NAE1: variants seen among roughly 807,000 people sequenced by gnomAD.
NAE1 encodes NEDD8-activating enzyme E1 regulatory subunit.
Under a neutral mutation model 88.0 loss-of-function variants are expected in NAE1, and 59 were observed. The ratio of observed to expected loss-of-function variants is 0.67; its 90% CI spans 0.54 to 0.83. The LOEUF (loss-of-function observed/expected upper bound fraction) is 0.83, where lower values mean the gene tolerates loss of function less well. NAE1 is among the 40% of genes least tolerant of loss of function. The probability of loss-of-function intolerance (pLI) is 0.00; values close to 1 mark genes in which losing one functional copy is unlikely to be tolerated. For synonymous variants in NAE1, 186 were observed against 208.9 expected, an observed-to-expected ratio of 0.89 and a Z score of 0.95; for missense variants, 554 against 632.8, an observed-to-expected ratio of 0.88 and a Z score of 1.34.
intron 13 of NAE1, among the ~76,000 whole-genome samples, chr16:66,811,748 A>T (rs1361910135): frequency 6.6e-6 from 1 of 152,176 alleles, no homozygotes; most frequent in Non-Finnish European, 1.5e-5. Context: ...TCTAAAAATC[A>T]TCAGTGTTCA....
chr16:66,823,192 G>T, intron 6 of NAE1, 35 bp downstream of exon 6: 1 of 1,308,752 alleles, frequency 7.6e-7, no homozygotes, highest in Non-Finnish European at 1.1e-6. Context: ...AATCTAATAA[G>T]ATTAAAATAA....
In NAE1 at chr16:66,823,325, A is replaced by G. The variant is rs3026084; in HGVS notation, c.322-19T>C. The stretch of plus-strand genomic sequence containing the variant: ...CTGGACTCTAAACAGGACAGCAAAG[A>G]AAAAAACAAACAAAAAAAACCAATT... On this transcript the variant is annotated intron_variant, in intron 5 of 19. Transcript: ENST00000290810. 15,146 of 1,558,378 alleles carry G rather than the reference A, an allele frequency of 9.7e-3. 144 individuals carry two copies. Among genetic ancestry groups the G allele is most frequent in the Non-Finnish European group, 0.01 (11,762 of 1,153,666 alleles).
intron 13 of NAE1, among the ~76,000 whole-genome samples, chr16:66,811,214 G>C (rs965192820): frequency 6.6e-6 from 1 of 152,150 alleles, no homozygotes; most frequent in Non-Finnish European, 1.5e-5. Flanking sequence ...CTGGAGTACA[G>C]TGGCGCAGTC....
At chr16:66,816,917 A>C (rs1960065264) in intron 10 of NAE1, 48 bp downstream of exon 10, 1 of 1,559,706 alleles carries the variant, frequency 6.4e-7, no homozygotes. Context: ...TGCCTCTAGC[A>C]ATTTGCTTTT....
chr16:66,806,543 G>A (rs1474623332), intron 17 of NAE1, among the ~76,000 whole-genome samples: 1 of 151,940 alleles, frequency 6.6e-6, no homozygotes, highest in Non-Finnish European at 1.5e-5. Context: ...TCATGCCTCA[G>A]CCTCCCAAGA....
At chr16:66,805,740 G>A in intron 19 of NAE1, 37 bp downstream of exon 19, 1 of 1,418,580 alleles carries the variant, frequency 7.0e-7, no homozygotes, top group Non-Finnish European at 9.3e-7. Flanking sequence ...ACTGTACTAT[G>A]TAACAACAGG....
At chr16:66,813,869 T>A (rs764075855) in intron 11 of NAE1, 23 bp from the exon 12 acceptor site, 1 of 1,600,978 alleles carries the variant, frequency 6.2e-7, no homozygotes, top group Admixed American at 1.7e-5. Context: ...CATGAAACAT[T>A]TACTTACACA....
intron 4 of NAE1, among the ~76,000 whole-genome samples, chr16:66,823,928 G>T (rs1960364078): frequency 6.6e-6 from 1 of 152,054 alleles, no homozygotes; most frequent in Non-Finnish European, 1.5e-5. Context: ...GTAGAGACAG[G>T]GTCTTGACAT....
At position 66,818,542 on chromosome 16, in the gene NAE1, G is replaced by A. The variant is rs746785763; in HGVS notation, c.607C>T (p.His203Tyr). ...REHFQSYDLD[H>Y]MEKKDHSHTP... is the part of the protein sequence containing the mutation. ...ACACTACCAACCTTTTTTTCCATAT[G>A]ATCCAAATCATAGGACTGAAAATGT... Residue 203 changes from histidine (H) to tyrosine (Y), a missense_variant, in exon 8 of 20, where the codon CAT becomes TAT. Coordinates refer to ENST00000290810, the MANE Select transcript of NAE1 (RefSeq NM_003905.4). 2 of 1,606,376 alleles carry A rather than the reference G, an allele frequency of 1.2e-6. No individual in the cohort carries two copies. Among genetic ancestry groups the A allele is most frequent in the Non-Finnish European group, 1.7e-6 (2 of 1,177,446 alleles).
At chr16:66,826,945 G>T (rs767561083) in intron 1 of NAE1, among the ~76,000 whole-genome samples, 165 bp from the exon 2 acceptor site, 1 of 152,142 alleles carries the variant, frequency 6.6e-6, no homozygotes, top group Non-Finnish European at 1.5e-5. Context: ...CAGTAATCTA[G>T]AACTCAGGTT....
rs369250024 is a variant in NAE1, at chr16:66,806,742, T to C, written c.1331-716A>G. 3.3e-5 allele frequency among the ~76,000 whole-genome samples: 5 copies of C among 152,330 alleles called. No individual in the cohort carries two copies. The South Asian group carries it at 6.2e-4, about 19-fold the overall frequency. On this transcript the variant is annotated intron_variant, in intron 17 of 19. Transcript: ENST00000290810. ...ATAGGTCACATTTATTGAGCATTAA[T>C]AGATGCTGGACACTGTTCTAAGGAC...
chr16:66,803,953 T>C (rs1330208601), intron 19 of NAE1, among the ~76,000 whole-genome samples: 2 of 151,646 alleles, frequency 1.3e-5, no homozygotes, highest in Non-Finnish European at 2.9e-5. Context: ...AGGGATACAG[T>C]AAGGAAAAAA....
Position 66,805,956 on chromosome 16 carries a change from T to C in NAE1, c.1401A>G (p.Glu467=). 6.2e-7 allele frequency: 1 copy of C among 1,613,468 alleles called. No homozygotes were observed. Among genetic ancestry groups the C allele is most frequent in the Non-Finnish European group, 8.5e-7 (1 of 1,179,820 alleles). Residue 467 remains glutamate, a synonymous_variant, in exon 18 of 20, where the codon GAA becomes GAG. Coordinates refer to ENST00000290810, the MANE Select transcript of NAE1 (RefSeq NM_003905.4). The part of the protein sequence containing the change: ...LKSCLTGFLQ[E]YGLSVMVKDD... ...CTTTCACCATTACAGATAAACCATA[T>C]TCCTGAAGGAAGCCAGTGAGACAAG...
intron 4 of NAE1, chr16:66,824,565 C>T (rs543003214): frequency 4.9e-6 from 1 of 205,808 alleles, no homozygotes; most frequent in African/African-American, 2.4e-5. Context: ...GCACTCCAGC[C>T]TGGGGGACAG....
At chr16:66,830,527 T>G (rs1597054225) in intron 1 of NAE1, among the ~76,000 whole-genome samples, 1 of 152,134 alleles carries the variant, frequency 6.6e-6, no homozygotes. Flanking sequence ...CGGGATGCGG[T>G]GCGCCCCGGG....
At chr16:66,814,027 T>C (rs1238687038) in intron 11 of NAE1, among the ~76,000 whole-genome samples, 181 bp from the exon 12 acceptor site, 1 of 152,200 alleles carries the variant, frequency 6.6e-6, no homozygotes, top group Non-Finnish European at 1.5e-5. Flanking sequence ...GGGGAAAGAA[T>C]GGAAGAAAGA....
chr16:66,814,419 C>T (rs531751299), intron 11 of NAE1, among the ~76,000 whole-genome samples: 14 of 151,698 alleles, frequency 9.2e-5, no homozygotes, highest in Admixed American at 5.3e-4. Context: ...AGGAAGACCC[C>T]GTCTATAGAA....
intron 11 of NAE1, among the ~76,000 whole-genome samples, chr16:66,814,141 G>A (rs376385238): frequency 6.6e-6 from 1 of 152,136 alleles, no homozygotes; most frequent in East Asian, 1.9e-4. Flanking sequence ...TACATCTGAA[G>A]ACAAAACAGA....
chr16:66,813,928 T>A lies in NAE1; in HGVS notation c.841-82A>T, dbSNP rs1010253162. The A allele has an allele frequency of 9.2e-6, 12 of 1,304,224 alleles. 1 individual carries two copies. The highest frequency in any genetic ancestry group is 5.2e-5 in the South Asian group (4 of 76,334). 80.8% of individuals were successfully genotyped at this position (1,304,224 alleles called of 1,614,324 possible). On this transcript the variant is annotated intron_variant, in intron 11 of 19. Coordinates refer to ENST00000290810, the MANE Select transcript of NAE1 (RefSeq NM_003905.4). ...ATTTTCAGTGCTATTTCTTCAGATA[T>A]GTTCTTTGAATTCTCAAATTGTAAT...
Sources: allele counts gnomAD v4.1 joint callset (sites outside exome capture counted in the v4.1 genomes callset), GRCh38; gene constraint gnomAD v4.1.1; transcripts MANE v1.5; gene names NCBI Gene and HGNC (gene_info 2026-07-23, HGNC 2026-07-21).